The following GLIS1 variants were observed in gnomAD, a reference collection of about 807,000 sequenced individuals.
The protein encoded by GLIS1 is GLIS family zinc finger 1.
In GLIS1, 24 loss-of-function variants were observed where a neutral mutation model predicts 63.8. The observed-to-expected ratio is 0.38, with a 90% CI of 0.27 to 0.53. The LOEUF is 0.53. Among genes scored for constraint, GLIS1 ranks in the 20% least tolerant of loss-of-function variants. GLIS1 has a pLI of 0.85. For missense variants in GLIS1, 1,036 were observed against 1,074.1 expected (o/e 0.96, Z 0.50); for synonymous variants, 450 against 482.5 (o/e 0.93, Z 0.88).
At position 53,514,645 on chromosome 1, in the gene GLIS1, C is replaced by T. The variant is rs766196537; in HGVS notation, c.1863G>A (p.Met621Ile). Residue 621 changes from methionine to isoleucine, a missense_variant, in exon 8 of 11, where the codon ATG (methionine) becomes ATA (isoleucine). Around this residue, in one of 3 missense-constraint regions of GLIS1, gnomAD observed 400 missense variants for 400.9 expected, o/e 1.00. Transcript: ENST00000628545. ...CATACCCATCCCGGGTGCTCTCAGCCATGGGCAGAGGGGACAGATGGTGGT... is the reference window on the plus strand; with the variant it reads ...CATACCCATCCCGGGTGCTCTCAGCTATGGGCAGAGGGGACAGATGGTGGT... ...SSHHHLSPLP[M>I]AESTRDGLGP... 1.2e-6 allele frequency: 2 copies of T among 1,613,610 alleles called. No individual in the cohort carries two copies. Among genetic ancestry groups the T allele is most frequent in the Non-Finnish European group, 1.7e-6 (2 of 1,179,878 alleles).
chr1:53,514,420 C>T (rs887541863), intron 8 of GLIS1, among the ~76,000 whole-genome samples: 5 of 152,180 alleles, frequency 3.3e-5, no homozygotes, highest in South Asian at 2.1e-4. Flanking sequence ...GAAGCCAGTA[C>T]GGTCTACTCA....
chr1:53,534,726 C>T (rs1452403058), intron 4 of GLIS1, among the ~76,000 whole-genome samples: 1 of 147,318 alleles, frequency 6.8e-6, no homozygotes, highest in Non-Finnish European at 1.5e-5. Context: ...TTCTGCGAGT[C>T]ACTCACTCAT....
At chr1:53,688,992 GTC>G (rs2100453129) in intron 2 of GLIS1, among the ~76,000 whole-genome samples, 1 of 152,346 alleles carries the variant, frequency 6.6e-6, no homozygotes, top group South Asian at 2.1e-4. Context: ...TGTCACAGTA[GTC>G]TTAGAACTCC....
In GLIS1 at chr1:53,529,876, G is replaced by A. The variant is rs372960254; in HGVS notation, c.1397C>T (p.Pro466Leu). 1.2e-5 allele frequency: 19 copies of A among 1,613,812 alleles called. No individual in the cohort carries two copies. The highest frequency in any genetic ancestry group is 1.5e-5 in the Non-Finnish European group (18 of 1,179,990). ...GCAACCCGGGTGCTGGCACAGGTAC[G>A]GCTTCTCGCCCGTGTGGCTCCTCAG... is the stretch of plus-strand genomic sequence containing the variant. Reference protein sequence around the residue: ...IHLRSHTGEKPYLCQHPGCQK... With the variant: ...IHLRSHTGEKLYLCQHPGCQK... Residue 466 changes from proline to leucine, a missense_variant, in exon 5 of 11, where the codon CCG (proline) becomes CTG (leucine). Physicochemically the swap from Pro to Leu is moderately conservative, Grantham distance 98 (BLOSUM62 -3). Coordinates refer to ENST00000628545, the MANE Select transcript of GLIS1 (RefSeq NM_001367484.1).
At chr1:53,621,669 G>A (rs973257561) in intron 2 of GLIS1, among the ~76,000 whole-genome samples, 13 of 151,850 alleles carry the variant, frequency 8.6e-5, no homozygotes, top group African/African-American at 1.9e-4. Context: ...TTAGTAATAC[G>A]TTTTCATTTT....
intron 2 of GLIS1, among the ~76,000 whole-genome samples, chr1:53,635,582 C>T (rs904193275): frequency 2.0e-5 from 3 of 149,974 alleles, no homozygotes; most frequent in Non-Finnish European, 4.4e-5. Context: ...GCAAGAGAAA[C>T]TATAAAGGCA....
chr1:53,532,381 G>A (rs1296649406), intron 4 of GLIS1, among the ~76,000 whole-genome samples: 4 of 152,172 alleles, frequency 2.6e-5, no homozygotes, highest in Non-Finnish European at 4.4e-5. Flanking sequence ...TGATGGTTCC[G>A]GGACAGCTCC....
intron 2 of GLIS1, among the ~76,000 whole-genome samples, chr1:53,660,565 G>A (rs1358583276): frequency 6.6e-6 from 1 of 152,194 alleles, no homozygotes; most frequent in Non-Finnish European, 1.5e-5. Context: ...GGTAGAGGAG[G>A]ACAGGACGTG....
In GLIS1 at chr1:53,580,464, A is replaced by G. The variant is rs769296195; in HGVS notation, c.1320+13644T>C. Among the ~76,000 whole-genome samples the G allele has an allele frequency of 4.6e-5, 7 of 152,176 alleles. No homozygotes were observed. In the South Asian group the frequency reaches 8.3e-4, roughly 18 times the overall value. On this transcript the variant is annotated intron_variant, in intron 4 of 10. Transcript: ENST00000628545. ...AAGTGGAGAGATATGCTCCAAATCC[A>G]TGAAGAGCCCAAATTACACGTGACT...
intron 2 of GLIS1, among the ~76,000 whole-genome samples, chr1:53,629,906 T>C (rs1645634233): frequency 6.6e-6 from 1 of 152,230 alleles, no homozygotes; most frequent in South Asian, 2.1e-4. Flanking sequence ...GCCTTGGATT[T>C]TCCTTTCTGA....
intron 2 of GLIS1, among the ~76,000 whole-genome samples, chr1:53,723,358 C>T (rs1446270774): frequency 6.6e-6 from 1 of 151,582 alleles, no homozygotes; most frequent in Admixed American, 6.6e-5. Flanking sequence ...CCTGCCTCAG[C>T]CTCCCGAGTA....
chr1:53,529,884 G>T lies in GLIS1; in HGVS notation c.1389C>A (p.Gly463=). ...NLKIHLRSHT[G]EKPYLCQHPG... Reference sequence around the variant, plus strand: ...GGTGCTGGCACAGGTACGGCTTCTCGCCCGTGTGGCTCCTCAGGTGGATCT... The same window carrying T: ...GGTGCTGGCACAGGTACGGCTTCTCTCCCGTGTGGCTCCTCAGGTGGATCT... The change falls in exon 5 of 11, where the codon GGC becomes GGA. Residue 463 remains glycine, a synonymous_variant. Coordinates refer to ENST00000628545, the MANE Select transcript of GLIS1 (RefSeq NM_001367484.1). 1.2e-6 allele frequency: 2 copies of T among 1,613,862 alleles called. No homozygotes were observed. The highest frequency in any genetic ancestry group is 1.7e-6 in the Non-Finnish European group (2 of 1,179,958).
At chr1:53,516,792 G>A (rs1644357231) in intron 7 of GLIS1, among the ~76,000 whole-genome samples, 1 of 150,636 alleles carries the variant, frequency 6.6e-6, no homozygotes, top group Admixed American at 6.6e-5. Context: ...CAGCCTGGGC[G>A]ACTCCATCTC....
At chr1:53,670,138 A>C (rs1366255290) in intron 2 of GLIS1, among the ~76,000 whole-genome samples, 1 of 152,180 alleles carries the variant, frequency 6.6e-6, no homozygotes, top group Non-Finnish European at 1.5e-5. Context: ...CTCTGGATTC[A>C]ATATTAAACT....
chr1:53,735,326 C>T (rs1229950439), intron 2 of GLIS1, among the ~76,000 whole-genome samples: 2 of 152,138 alleles, frequency 1.3e-5, no homozygotes, highest in Admixed American at 6.5e-5. Flanking sequence ...GGGCCCTGCA[C>T]GAATTAATAA....
At chr1:53,554,833 C>T (rs1644800874) in intron 4 of GLIS1, among the ~76,000 whole-genome samples, 1 of 152,224 alleles carries the variant, frequency 6.6e-6, no homozygotes, top group Admixed American at 6.5e-5. Context: ...GACACACCCC[C>T]TGTCCCTGCT....
Position 53,560,815 on chromosome 1 carries a change from A to G in GLIS1, c.1321-30863T>C, listed in dbSNP as rs11206173. Among the ~76,000 whole-genome samples the G allele has an allele frequency of 0.29, 44,779 of 152,018 alleles. 7,167 individuals carry two copies. The highest frequency in any genetic ancestry group is 0.44 in the East Asian group (2,250 of 5,152). On this transcript the variant is annotated intron_variant, in intron 4 of 10. Transcript: ENST00000628545. This position sits in a 1 kb window ranked among gnomAD's most constrained non-coding sequence, Gnocchi z 4.4. ...AGTCCTTGGACTCCACCCATACCTC[A>G]GTACCCCAGGCCTTGCCACCTGAAG...
intron 2 of GLIS1, among the ~76,000 whole-genome samples, chr1:53,726,310 G>C (rs1168777546): frequency 6.6e-6 from 1 of 152,156 alleles, no homozygotes; most frequent in Admixed American, 6.5e-5. Flanking sequence ...CCAGGCCTCA[G>C]CTTTCTCATC....
rs1645017741 is a variant in GLIS1, at chr1:53,574,996, G to A, written c.1320+19112C>T. On this transcript the variant is annotated intron_variant, in intron 4 of 10. Transcript: ENST00000628545. This position sits in a 1 kb window ranked among gnomAD's most constrained non-coding sequence, Gnocchi z 4.2. ...ATCTGGGCCCTCACTGGACACCTTGGCCCAACACAGAGGATACTTGGGCCA... is the reference window on the plus strand; with the variant it reads ...ATCTGGGCCCTCACTGGACACCTTGACCCAACACAGAGGATACTTGGGCCA... Among the ~76,000 whole-genome samples the A allele has an allele frequency of 6.6e-6, 1 of 152,122 alleles. No homozygotes were observed. Among genetic ancestry groups the A allele is most frequent in the Non-Finnish European group, 1.5e-5 (1 of 68,022 alleles).
Sources: allele counts gnomAD v4.1 joint callset (sites outside exome capture counted in the v4.1 genomes callset), GRCh38; gene constraint gnomAD v4.1.1; regional missense constraint gnomAD v4.1.1; non-coding constraint Gnocchi (gnomAD v3.1); transcripts MANE v1.5; gene names NCBI Gene and HGNC (gene_info 2026-07-23, HGNC 2026-07-21).